PTPRD: variants seen among roughly 807,000 people sequenced by gnomAD.
The protein encoded by PTPRD is receptor-type tyrosine-protein phosphatase delta.
In PTPRD, 34 loss-of-function variants were observed where a neutral mutation model predicts 214.5. The ratio of observed to expected loss-of-function variants is 0.16; its 90% CI spans 0.12 to 0.21. PTPRD has a LOEUF of 0.21. Among genes scored for constraint, PTPRD ranks in the 10% least tolerant of loss-of-function variants. PTPRD has a pLI of 1.00. For missense variants in PTPRD, 2,545 were observed against 2,398.7 expected, an observed-to-expected ratio of 1.06 and a Z score of -1.27; for synonymous variants, 1,128 against 845.7, an observed-to-expected ratio of 1.33 and a Z score of -5.79.
rs930256053 is a variant in PTPRD at position 9,132,263 on chromosome 9, C to T, written c.-143+51041G>A. 9.2e-5 allele frequency among the ~76,000 whole-genome samples: 14 copies of T among 152,266 alleles called. No homozygotes were observed. In the South Asian group the frequency reaches 2.5e-3, roughly 27 times the overall value. Reference sequence around the variant, plus strand: ...TGACCTTGTGATCCGCCCGCTTCGGCCTCCCAAATTGCTGGGATTACAGGC... The same window carrying T: ...TGACCTTGTGATCCGCCCGCTTCGGTCTCCCAAATTGCTGGGATTACAGGC... On this transcript the variant is annotated intron_variant, in intron 10 of 45. Transcript: ENST00000381196.
intron 3 of PTPRD, among the ~76,000 whole-genome samples, chr9:10,055,630 A>T (rs536017259): frequency 3.3e-5 from 5 of 152,030 alleles, no homozygotes; most frequent in Non-Finnish European, 5.9e-5. Context: ...GATTTCATTC[A>T]ACTGTCCAAC....
At chr9:10,439,338 G>A (rs1023542346) in intron 2 of PTPRD, among the ~76,000 whole-genome samples, 5 of 151,764 alleles carry the variant, frequency 3.3e-5, no homozygotes, top group South Asian at 2.1e-4. Context: ...TAATGCTATC[G>A]TCATGGCCAG....
intron 2 of PTPRD, among the ~76,000 whole-genome samples, chr9:10,574,141 T>C (rs1196357166): frequency 6.6e-6 from 1 of 152,042 alleles, no homozygotes; most frequent in Non-Finnish European, 1.5e-5. Flanking sequence ...CTATAACAAA[T>C]ACAATGATTT....
chr9:10,503,878 A>T (rs1365846298), intron 2 of PTPRD, among the ~76,000 whole-genome samples: 1 of 151,902 alleles, frequency 6.6e-6, no homozygotes, highest in Non-Finnish European at 1.5e-5. Flanking sequence ...GCACTTTGGG[A>T]GGCCGAGGTG....
At chr9:10,172,856 A>G (rs951787867) in intron 3 of PTPRD, among the ~76,000 whole-genome samples, 2 of 152,214 alleles carry the variant, frequency 1.3e-5, no homozygotes, top group Non-Finnish European at 2.9e-5. Flanking sequence ...GGAATCAAAG[A>G]TAAACCTTAT....
chr9:8,893,635 A>C (rs980678368), intron 11 of PTPRD, among the ~76,000 whole-genome samples: 1 of 152,248 alleles, frequency 6.6e-6, no homozygotes, highest in Non-Finnish European at 1.5e-5. Flanking sequence ...ACAATGTGGT[A>C]AAGATGCAAT....
intron 10 of PTPRD, among the ~76,000 whole-genome samples, chr9:9,040,067 A>C (rs971493319): frequency 6.6e-6 from 1 of 151,952 alleles, no homozygotes; most frequent in Admixed American, 6.6e-5. Flanking sequence ...TAAAACTAAT[A>C]TTTATTGAGG....
intron 7 of PTPRD, among the ~76,000 whole-genome samples, chr9:9,612,720 G>GA (rs910988093): frequency 1.3e-4 from 19 of 150,038 alleles, no homozygotes; most frequent in African/African-American, 4.6e-4. Context: ...AGAGCCAAAA[G>GA]AAAAAAAAAG....
At chr9:9,019,208 G>GGAT (rs962954397) in intron 10 of PTPRD, among the ~76,000 whole-genome samples, 10 of 149,436 alleles carry the variant, frequency 6.7e-5, no homozygotes, top group African/African-American at 2.5e-4. Flanking sequence ...CAACATCACA[G>GGAT]GATTTTTATT....
intron 2 of PTPRD, among the ~76,000 whole-genome samples, chr9:10,427,541 T>C (rs1015768311): frequency 6.6e-6 from 1 of 152,010 alleles, no homozygotes; most frequent in Non-Finnish European, 1.5e-5. Context: ...TACCCACCAC[T>C]GCATATGGTC....
intron 9 of PTPRD, among the ~76,000 whole-genome samples, chr9:9,369,360 A>T (rs1414870203): frequency 2.0e-5 from 3 of 151,952 alleles, no homozygotes; most frequent in Non-Finnish European, 4.4e-5. Context: ...TGATGGCCAG[A>T]GATGATGAGC....
rs1227375224 is a variant in PTPRD, at chr9:10,373,263, A to G, written c.-599-32246T>C. On this transcript the variant is annotated intron_variant, in intron 2 of 45. Coordinates refer to ENST00000381196, the MANE Select transcript of PTPRD (RefSeq NM_002839.4). ...GTGAGTAAAACCAATAAAAGTAATC[A>G]ACTTTATAGAGTCAAATAAAAAATT... 2.0e-5 allele frequency among the ~76,000 whole-genome samples: 3 copies of G among 152,138 alleles called. No homozygotes were observed. In the East Asian group the frequency reaches 5.8e-4, roughly 29 times the overall value.
intron 10 of PTPRD, among the ~76,000 whole-genome samples, chr9:9,062,866 A>C (rs1362663940): frequency 6.6e-6 from 1 of 152,216 alleles, no homozygotes; most frequent in African/African-American, 2.4e-5. Flanking sequence ...AACTTCAGAA[A>C]TAAATAACTT....
chr9:8,649,560 T>G (rs2096763753), intron 12 of PTPRD, among the ~76,000 whole-genome samples: 1 of 152,208 alleles, frequency 6.6e-6, no homozygotes, highest in Non-Finnish European at 1.5e-5. Context: ...TAAAACAGAT[T>G]TAAAATGATG....
intron 10 of PTPRD, among the ~76,000 whole-genome samples, chr9:9,133,760 A>C (rs1432515547): frequency 6.6e-6 from 1 of 152,136 alleles, no homozygotes; most frequent in East Asian, 1.9e-4. Context: ...GTTTTTTATC[A>C]GGAGAAACAG....
At chr9:8,341,409 G>C (rs1257834758) in intron 40 of PTPRD, 141 bp from the exon 41 acceptor site, 20 of 925,516 alleles carry the variant, frequency 2.2e-5, no homozygotes, top group Non-Finnish European at 3.2e-5. Context: ...AAATTGTACT[G>C]CTTTTCACAT....
intron 5 of PTPRD, among the ~76,000 whole-genome samples, chr9:9,863,282 C>G (rs778006363): frequency 2.2e-4 from 34 of 152,082 alleles, no homozygotes; most frequent in Non-Finnish European, 4.0e-4. Context: ...GGATTAATAA[C>G]TATTTGAGAT....
chr9:9,431,982 C>A (rs987088701), intron 8 of PTPRD, among the ~76,000 whole-genome samples: 4 of 150,786 alleles, frequency 2.7e-5, no homozygotes, highest in Non-Finnish European at 4.4e-5. Context: ...CAGCACACCA[C>A]CATGGCACAT....
chr9:10,409,294 A>G (rs1417509999), intron 2 of PTPRD, among the ~76,000 whole-genome samples: 1 of 151,732 alleles, frequency 6.6e-6, no homozygotes, highest in Non-Finnish European at 1.5e-5. Context: ...ATGATTGGGC[A>G]CCTTTCTAAA....
Sources: allele counts gnomAD v4.1 joint callset (sites outside exome capture counted in the v4.1 genomes callset), GRCh38; gene constraint gnomAD v4.1.1; transcripts MANE v1.5; gene names NCBI Gene and HGNC (gene_info 2026-07-23, HGNC 2026-07-21).